Variants in NRF1 observed in about 807,000 individuals in gnomAD.
NRF1 encodes nuclear respiratory factor 1.
In NRF1, 5 loss-of-function variants were observed where a neutral mutation model predicts 58.5. That is an observed-to-expected ratio of 0.09 (90% CI 0.04 to 0.18). The LOEUF is 0.18. Among genes scored for constraint, NRF1 ranks in the 10% least tolerant of loss-of-function variants. The probability of loss-of-function intolerance (pLI) is 1.00; values close to 1 mark genes in which losing one functional copy is unlikely to be tolerated. For synonymous variants in NRF1, 224 were observed against 246.7 expected, an observed-to-expected ratio of 0.91 and a Z score of 0.86; for missense variants, 288 against 657.7, an observed-to-expected ratio of 0.44 and a Z score of 6.15.
At chr7:129,664,635 T>C (rs1199321621) in intron 2 of NRF1, among the ~76,000 whole-genome samples, 2 of 152,218 alleles carry the variant, frequency 1.3e-5, no homozygotes, top group African/African-American at 4.8e-5. Flanking sequence ...TGCTTTTCTA[T>C]GAAGGAAGAT....
rs769755272 is a variant in NRF1, at chr7:129,741,466, C to T, written c.1349-13552C>T. Among the ~76,000 whole-genome samples, 8 of 152,030 alleles carry T rather than the reference C, an allele frequency of 5.3e-5. No individual in the cohort carries two copies. The highest frequency in any genetic ancestry group is 1.2e-4 in the African/African-American group (5 of 41,374). On this transcript the variant is annotated intron_variant, in intron 10 of 10. Transcript: ENST00000393232. The surrounding 1 kb of genome is among the most constrained non-coding windows in gnomAD (Gnocchi z 4.0). ...TGAATCTTGTGCCTGTCATTGTGAG[C>T]GCTATTCTGTAAAGGGATTTTTTTT...
intron 10 of NRF1, among the ~76,000 whole-genome samples, chr7:129,738,425 C>T (rs1277578918): frequency 2.6e-5 from 4 of 152,212 alleles, no homozygotes; most frequent in Non-Finnish European, 5.9e-5. Flanking sequence ...CCACACGCCC[C>T]CCTGGGAAAT....
rs922870410 is a variant in NRF1 at position 129,741,649 on chromosome 7, A to G, written c.1349-13369A>G. Among the ~76,000 whole-genome samples the G allele has an allele frequency of 2.0e-5, 3 of 152,224 alleles. No homozygotes were observed. Among genetic ancestry groups the G allele is most frequent in the African/African-American group, 7.2e-5 (3 of 41,460 alleles). On this transcript the variant is annotated intron_variant, in intron 10 of 10. Coordinates refer to ENST00000393232, the MANE Select transcript of NRF1 (RefSeq NM_005011.5). The surrounding 1 kb of genome is among the most constrained non-coding windows in gnomAD (Gnocchi z 4.0). ...CAATATTAGAACAGGAAAAATTCTT[A>G]TAAAGTTTTTCAGGTTCTTGGGTAA...
At chr7:129,711,064 T>G (rs1803062120) in intron 7 of NRF1, among the ~76,000 whole-genome samples, 1 of 152,140 alleles carries the variant, frequency 6.6e-6, no homozygotes, top group Admixed American at 6.5e-5. Context: ...ATTACAGATG[T>G]GGGCCACCAT....
intron 6 of NRF1, 138 bp downstream of exon 6, chr7:129,709,371 T>C: frequency 1.7e-6 from 1 of 597,008 alleles, no homozygotes; most frequent in East Asian, 3.4e-5. Context: ...CTGATATTCT[T>C]TGATTTATAG....
chr7:129,717,140 A>G lies in NRF1; in HGVS notation c.1066-79A>G. 8 of 1,416,416 alleles carry G rather than the reference A, an allele frequency of 5.6e-6. No homozygotes were observed. In the South Asian group the frequency reaches 1.1e-4, roughly 20 times the overall value. The allele number at this position is 1,416,416 out of a possible 1,614,324, so 87.7% of individuals were successfully genotyped here. ...GAGTATGTGTATTTAGCCAAAAAGT[A>G]GCAATTATTAGAAAAATTACTTGTA... On this transcript the variant is annotated intron_variant, in intron 8 of 10. Transcript: ENST00000393232.
chr7:129,720,687 A>G (rs1272366179), intron 9 of NRF1, among the ~76,000 whole-genome samples: 1 of 152,120 alleles, frequency 6.6e-6, no homozygotes, highest in Non-Finnish European at 1.5e-5. Context: ...TTCATCTTTT[A>G]CAGGGTAAAA....
chr7:129,707,132 T>C (rs1000616073), intron 5 of NRF1, among the ~76,000 whole-genome samples: 1 of 152,174 alleles, frequency 6.6e-6, no homozygotes, highest in Admixed American at 6.5e-5. Flanking sequence ...TAGCTGGGAC[T>C]ACAGGCACGT....
intron 2 of NRF1, among the ~76,000 whole-genome samples, chr7:129,668,724 T>G (rs756939629): frequency 1.3e-5 from 2 of 152,196 alleles, no homozygotes; most frequent in Non-Finnish European, 2.9e-5. Context: ...CTAAGTGAAG[T>G]TTTAAGTGAA....
At chr7:129,702,836 G>C (rs1314491973) in intron 5 of NRF1, among the ~76,000 whole-genome samples, 1 of 152,016 alleles carries the variant, frequency 6.6e-6, no homozygotes, top group African/African-American at 2.4e-5. Flanking sequence ...CAGATATGTT[G>C]GTCTGAAAGA....
chr7:129,674,867 T>C (rs1449269579), intron 3 of NRF1, among the ~76,000 whole-genome samples: 2 of 152,124 alleles, frequency 1.3e-5, no homozygotes, highest in Non-Finnish European at 1.5e-5. Context: ...TTGCTGAAGG[T>C]TGGGGTGGCT....
intron 1 of NRF1, among the ~76,000 whole-genome samples, chr7:129,633,003 GC>G (rs905829233): frequency 1.3e-5 from 1 of 78,292 alleles, no homozygotes; most frequent in Non-Finnish European, 4.4e-5. Flanking sequence ...TTGCAAAACA[GC>G]TACATAAAGC....
chr7:129,710,369 G>A lies in NRF1; in HGVS notation c.766-5G>A, dbSNP rs1345230417. 1 of 1,614,016 alleles carries A rather than the reference G, an allele frequency of 6.2e-7. No individual in the cohort carries two copies. The highest frequency in any genetic ancestry group is 8.5e-7 in the Non-Finnish European group (1 of 1,179,892). ...TAATGTGCTTTTCCGGTCATTTGGT[G>A]ACAGGTTTCATGGACCCAGGCACTA... On this transcript the variant is annotated splice_region_variant and splice_polypyrimidine_tract_variant and intron_variant, in intron 6 of 10. Transcript: ENST00000393232.
chr7:129,649,267 T>C (rs1801481299), intron 1 of NRF1, among the ~76,000 whole-genome samples: 1 of 152,192 alleles, frequency 6.6e-6, no homozygotes, highest in Non-Finnish European at 1.5e-5. Flanking sequence ...GTTTATATTC[T>C]GGATATGTTC....
At chr7:129,649,749 TTTTAA>T (rs1801494706) in intron 1 of NRF1, among the ~76,000 whole-genome samples, 1 of 152,110 alleles carries the variant, frequency 6.6e-6, no homozygotes, top group Admixed American at 6.5e-5. Context: ...AAGAAGGACT[TTTTAA>T]TTTAATTTTT....
chr7:129,735,196 C>T, intron 10 of NRF1: 1 of 985,444 alleles, frequency 1.0e-6, no homozygotes, highest in Non-Finnish European at 1.2e-6. Context: ...AACCCTCCCT[C>T]CTCATGTTCT....
intron 1 of NRF1, among the ~76,000 whole-genome samples, chr7:129,614,424 T>A (rs1439514282): frequency 6.6e-6 from 1 of 150,914 alleles, no homozygotes; most frequent in East Asian, 1.9e-4. Context: ...CCCAATAATT[T>A]TCTTATAAAA....
intron 2 of NRF1, among the ~76,000 whole-genome samples, chr7:129,670,948 G>T (rs1802035115): frequency 6.6e-6 from 1 of 152,176 alleles, no homozygotes; most frequent in African/African-American, 2.4e-5. Context: ...TGTTGTTGGA[G>T]TTCCAAATGT....
intron 1 of NRF1, among the ~76,000 whole-genome samples, chr7:129,617,998 A>T (rs141208594): frequency 6.6e-6 from 1 of 152,336 alleles, no homozygotes; most frequent in African/African-American, 2.4e-5. Context: ...TTTATTCTAT[A>T]GGCATTTAGG....
Sources: gnomAD v4.1 joint callset for allele counts (sites outside exome capture counted in the v4.1 genomes callset) on GRCh38, gnomAD v4.1.1 for gene constraint, Gnocchi (gnomAD v3.1) non-coding constraint, MANE v1.5 for transcripts, NCBI Gene and HGNC (gene_info 2026-07-23, HGNC 2026-07-21) for gene names.